Variants in KCNIP4 observed in about 807,000 individuals in gnomAD.
The protein encoded by KCNIP4 is Kv channel-interacting protein 4.
Under a neutral mutation model 34.0 loss-of-function variants are expected in KCNIP4, and 12 were observed. The ratio of observed to expected loss-of-function variants is 0.35; its 90% CI spans 0.23 to 0.57. The LOEUF (loss-of-function observed/expected upper bound fraction) is 0.57. Ranked by LOEUF, KCNIP4 falls within the 20% of genes least tolerant of loss-of-function variation. KCNIP4 has a pLI of 0.83. For missense variants in KCNIP4, 238 were observed against 311.7 expected (o/e 0.76, Z 1.78); for synonymous variants, 124 against 102.2 (o/e 1.21, Z -1.29).
intron 1 of KCNIP4, among the ~76,000 whole-genome samples, chr4:21,048,740 A>C (rs947738788): frequency 1.1e-4 from 17 of 152,100 alleles, no homozygotes; most frequent in Non-Finnish European, 2.5e-4. Flanking sequence ...AATTTATGAT[A>C]ACTGTGACCA....
intron 1 of KCNIP4, among the ~76,000 whole-genome samples, chr4:20,987,149 G>T (rs1237610852): frequency 6.6e-6 from 1 of 152,140 alleles, no homozygotes; most frequent in East Asian, 1.9e-4. Context: ...CCTGCATAGC[G>T]CTTTGGGAGG....
At chr4:21,935,312 A>G (rs556935995) in intron 1 of KCNIP4, among the ~76,000 whole-genome samples, 8 of 151,972 alleles carry the variant, frequency 5.3e-5, no homozygotes, top group African/African-American at 1.4e-4. Context: ...AGACAAGAGG[A>G]CTCTTCCTAA....
chr4:21,603,077 A>G (rs1385164464), intron 1 of KCNIP4, among the ~76,000 whole-genome samples: 1 of 152,178 alleles, frequency 6.6e-6, no homozygotes, highest in African/African-American at 2.4e-5. Flanking sequence ...AATACTTACA[A>G]GACTCATGAT....
At chr4:20,933,446 A>G (rs983331736) in intron 1 of KCNIP4, among the ~76,000 whole-genome samples, 1 of 152,198 alleles carries the variant, frequency 6.6e-6, no homozygotes, top group African/African-American at 2.4e-5. Context: ...GGAAATCCAT[A>G]GAGTAGCACC....
intron 1 of KCNIP4, among the ~76,000 whole-genome samples, chr4:21,330,617 T>C (rs77143477): frequency 0.015 from 2,285 of 152,266 alleles, 35 homozygotes; most frequent in South Asian, 0.048. Flanking sequence ...TTTAATCCTA[T>C]TTGAATTTAA....
In KCNIP4 at chr4:20,786,864, C is replaced by T. The variant is rs530082401; in HGVS notation, c.289-27974G>A. 2.7e-3 allele frequency among the ~76,000 whole-genome samples: 407 copies of T among 151,846 alleles called. 2 individuals carry two copies. Among genetic ancestry groups the T allele is most frequent in the African/African-American group, 9.5e-3 (394 of 41,374 alleles). On this transcript the variant is annotated intron_variant, in intron 3 of 8. Transcript: ENST00000382152. ...TTCTTTATCTTTATCAATGATATAG[C>T]CTTGAACAACTCCCTTAACATCATA...
intron 1 of KCNIP4, among the ~76,000 whole-genome samples, chr4:21,641,949 G>A (rs950622420): frequency 1.3e-5 from 2 of 152,184 alleles, no homozygotes; most frequent in Admixed American, 1.3e-4. Context: ...CTGGTGGCAG[G>A]TTGATTACAT....
In KCNIP4 at chr4:21,159,493, G is replaced by A. The variant is rs1296044666; in HGVS notation, c.62-276784C>T. Among the ~76,000 whole-genome samples the A allele has an allele frequency of 5.2e-5, 3 of 58,004 alleles. 1 individual carries two copies. Among genetic ancestry groups the A allele is most frequent in the East Asian group, 3.7e-4 (1 of 2,706 alleles). 38.1% of individuals were successfully genotyped at this position (58,004 alleles called of 152,430 possible). A position where few individuals can be genotyped will look rare whatever the true frequency, so the allele number is the denominator to read the frequency against. The stretch of plus-strand genomic sequence containing the variant: ...TTTCTGCATTTCCATCTGAGGTACC[G>A]GGTTCATCTCACTAGGGAGTGCCAG... On this transcript the variant is annotated intron_variant, in intron 1 of 8. Coordinates refer to ENST00000382152, the MANE Select transcript of KCNIP4 (RefSeq NM_025221.6).
intron 1 of KCNIP4, among the ~76,000 whole-genome samples, chr4:21,071,991 C>T (rs199725019): frequency 2.0e-5 from 3 of 152,194 alleles, no homozygotes. Context: ...TTTATGGCTA[C>T]ATAATATTCC....
intron 1 of KCNIP4, among the ~76,000 whole-genome samples, chr4:21,866,965 G>A (rs554526839): frequency 7.2e-5 from 11 of 151,870 alleles, no homozygotes; most frequent in Admixed American, 6.6e-4. Context: ...TAGAGACAGG[G>A]TTTCACCATG....
At chr4:20,945,840 T>C (rs150806666) in intron 1 of KCNIP4, among the ~76,000 whole-genome samples, 1 of 152,314 alleles carries the variant, frequency 6.6e-6, no homozygotes, top group Non-Finnish European at 1.5e-5. Flanking sequence ...TTTGGGGACA[T>C]GAGCTCAGGA....
chr4:21,159,034 G>T (rs1208855568), intron 1 of KCNIP4, among the ~76,000 whole-genome samples: 1 of 151,984 alleles, frequency 6.6e-6, no homozygotes, highest in Admixed American at 6.6e-5. Context: ...TCCCCAAATT[G>T]ATTTACAGAG....
chr4:20,854,311 C>CA (rs944116527), intron 2 of KCNIP4, among the ~76,000 whole-genome samples: 15 of 152,028 alleles, frequency 9.9e-5, no homozygotes, highest in Admixed American at 1.3e-4. Context: ...TACTCAGCCA[C>CA]AAAAAGGAAA....
At chr4:21,595,101 A>G (rs1178647948) in intron 1 of KCNIP4, among the ~76,000 whole-genome samples, 1 of 152,088 alleles carries the variant, frequency 6.6e-6, no homozygotes, top group Admixed American at 6.6e-5. Context: ...TTTAAGTCCC[A>G]CATACATTAG....
At chr4:21,286,712 T>C (rs1763142835) in intron 1 of KCNIP4, among the ~76,000 whole-genome samples, 1 of 152,206 alleles carries the variant, frequency 6.6e-6, no homozygotes, top group African/African-American at 2.4e-5. Flanking sequence ...TCACAAGTTT[T>C]TCAGGATAAA....
chr4:21,923,350 G>A (rs1377267713), intron 1 of KCNIP4, among the ~76,000 whole-genome samples: 1 of 152,174 alleles, frequency 6.6e-6, no homozygotes, highest in Non-Finnish European at 1.5e-5. Flanking sequence ...GGGAGGCCAA[G>A]GCAGATGGAT....
chr4:21,864,518 G>A (rs1388407396), intron 1 of KCNIP4, among the ~76,000 whole-genome samples: 1 of 152,198 alleles, frequency 6.6e-6, no homozygotes. Context: ...AAAACTGCCA[G>A]ACTGAAAAAT....
intron 4 of KCNIP4, among the ~76,000 whole-genome samples, chr4:20,751,661 G>A (rs536683778): frequency 6.6e-6 from 1 of 151,968 alleles, no homozygotes; most frequent in African/African-American, 2.4e-5. Flanking sequence ...ATAAATAATG[G>A]CTCAAAACAA....
At chr4:21,002,224 G>C (rs910001613) in intron 1 of KCNIP4, among the ~76,000 whole-genome samples, 1 of 152,148 alleles carries the variant, frequency 6.6e-6, no homozygotes, top group Non-Finnish European at 1.5e-5. Flanking sequence ...ACTGCACAAA[G>C]TAAATGATGA....
Sources: gnomAD v4.1 joint callset for allele counts (sites outside exome capture counted in the v4.1 genomes callset) on GRCh38, gnomAD v4.1.1 for gene constraint, MANE v1.5 for transcripts, NCBI Gene and HGNC (gene_info 2026-07-23, HGNC 2026-07-21) for gene names.